The following ADAMTSL3 variants were observed in gnomAD, a reference collection of about 807,000 sequenced individuals.
ADAMTSL3 encodes the protein ADAMTS like 3.
A neutral mutation model predicts 201.7 loss-of-function variants in ADAMTSL3; 128 were observed. The observed-to-expected ratio is 0.63, with a 90% CI of 0.55 to 0.73. The LOEUF (loss-of-function observed/expected upper bound fraction) is 0.73, where lower values mean the gene tolerates loss of function less well. Ranked by LOEUF, ADAMTSL3 falls within the 30% of genes least tolerant of loss-of-function variation. The pLI is 0.00. For synonymous variants in ADAMTSL3, 738 were observed against 748.4 expected (o/e 0.99, Z 0.23); for missense variants, 1,990 against 2,119.6 (o/e 0.94, Z 1.20).
intron 2 of ADAMTSL3, among the ~76,000 whole-genome samples, chr15:83,698,804 T>C (rs937784591): frequency 6.6e-6 from 1 of 152,192 alleles, no homozygotes; most frequent in African/African-American, 2.4e-5. Context: ...AAAGTCAACG[T>C]TGACTTCCCT....
intron 7 of ADAMTSL3, among the ~76,000 whole-genome samples, chr15:83,857,738 A>G (rs376972899): frequency 6.6e-6 from 1 of 152,214 alleles, no homozygotes; most frequent in Non-Finnish European, 1.5e-5. Context: ...TTTAATAAAA[A>G]CTTGCAAACT....
intron 15 of ADAMTSL3, among the ~76,000 whole-genome samples, chr15:83,903,656 G>A (rs1385414542): frequency 2.0e-5 from 3 of 151,696 alleles, no homozygotes; most frequent in African/African-American, 7.3e-5. Flanking sequence ...AGTGGCTCAC[G>A]CCTATAATCC....
intron 3 of ADAMTSL3, among the ~76,000 whole-genome samples, chr15:83,755,949 C>T (rs2062713127): frequency 6.6e-6 from 1 of 152,120 alleles, no homozygotes; most frequent in Non-Finnish European, 1.5e-5. Context: ...CTAGTGGAGA[C>T]AGGGTTTTGC....
chr15:83,746,043 T>A (rs1460619662), intron 3 of ADAMTSL3, among the ~76,000 whole-genome samples: 1 of 152,100 alleles, frequency 6.6e-6, no homozygotes, highest in Admixed American at 6.5e-5. Context: ...TCAGTGATGC[T>A]CTCAAAATCC....
At chr15:83,809,113 A>G (rs1441912197) in intron 5 of ADAMTSL3, among the ~76,000 whole-genome samples, 1 of 152,106 alleles carries the variant, frequency 6.6e-6, no homozygotes, top group Non-Finnish European at 1.5e-5. Context: ...TGTATATCTC[A>G]ATTTAGCCAG....
chr15:83,678,489 G>C (rs1016990660), intron 2 of ADAMTSL3, among the ~76,000 whole-genome samples: 10 of 151,704 alleles, frequency 6.6e-5, no homozygotes, highest in Non-Finnish European at 1.3e-4. Flanking sequence ...TTTCAGATGA[G>C]AAATTTAATG....
At chr15:84,005,639 C>T (rs1386296996) in intron 23 of ADAMTSL3, among the ~76,000 whole-genome samples, 5 of 152,192 alleles carry the variant, frequency 3.3e-5, no homozygotes, top group African/African-American at 7.2e-5. Context: ...AAGAACTGCC[C>T]AGGCTCGCGC....
At chr15:83,939,083 G>A (rs1180404101) in intron 17 of ADAMTSL3, among the ~76,000 whole-genome samples, 1 of 152,166 alleles carries the variant, frequency 6.6e-6, no homozygotes, top group Non-Finnish European at 1.5e-5. Flanking sequence ...CGTAGACACT[G>A]ATTGATTTTC....
At chr15:83,881,866 A>T (rs1013548348) in intron 9 of ADAMTSL3, among the ~76,000 whole-genome samples, 3 of 139,802 alleles carry the variant, frequency 2.1e-5, no homozygotes. Context: ...AAAAAAGAAA[A>T]AAAAAGGCCG....
chr15:83,951,876 T>A (rs1041706152), intron 19 of ADAMTSL3, among the ~76,000 whole-genome samples: 62 of 152,154 alleles, frequency 4.1e-4, no homozygotes, highest in Non-Finnish European at 6.0e-4. Flanking sequence ...CATCTCTGAT[T>A]TAATTTATTG....
intron 20 of ADAMTSL3, among the ~76,000 whole-genome samples, chr15:83,975,307 G>A (rs1278253610): frequency 6.6e-6 from 1 of 151,960 alleles, no homozygotes; most frequent in Admixed American, 6.6e-5. Flanking sequence ...TGGCCAGCCT[G>A]CGTCTTTAGT....
intron 7 of ADAMTSL3, among the ~76,000 whole-genome samples, chr15:83,841,639 G>A (rs1281409417): frequency 2.0e-5 from 3 of 152,018 alleles, no homozygotes; most frequent in East Asian, 3.9e-4. Context: ...GGATACTAAA[G>A]GATGTCACAC....
chr15:84,037,067 A>C, intron 29 of ADAMTSL3, 80 bp downstream of exon 29: 8 of 1,421,620 alleles, frequency 5.6e-6, no homozygotes, highest in Non-Finnish European at 7.8e-6. Context: ...CACGGCACCA[A>C]ACCCTGCTAG....
intron 16 of ADAMTSL3, among the ~76,000 whole-genome samples, chr15:83,920,169 A>G (rs1165043616): frequency 6.6e-6 from 1 of 152,248 alleles, no homozygotes; most frequent in African/African-American, 2.4e-5. Flanking sequence ...ACGTGGGAAC[A>G]AAGATTGCAT....
intron 15 of ADAMTSL3, 78 bp from the exon 16 acceptor site, chr15:83,913,014 A>C (rs540272879): frequency 3.4e-6 from 5 of 1,476,294 alleles, no homozygotes; most frequent in African/African-American, 1.4e-5. Flanking sequence ...CCTTCGTTGA[A>C]TGTGTCACTC....
At chr15:83,997,163 CATT>C (rs1247645198) in intron 23 of ADAMTSL3, among the ~76,000 whole-genome samples, 1 of 152,142 alleles carries the variant, frequency 6.6e-6, no homozygotes, top group Non-Finnish European at 1.5e-5. Flanking sequence ...TGCATTGTAA[CATT>C]GTTTGTAAAA....
At chr15:83,984,704 A>G (rs1199582906) in intron 21 of ADAMTSL3, among the ~76,000 whole-genome samples, 3 of 152,214 alleles carry the variant, frequency 2.0e-5, no homozygotes, top group Non-Finnish European at 4.4e-5. Flanking sequence ...TACAAATAAC[A>G]TATTTTTTGA....
At chr15:83,842,540 A>G (rs2141989267) in intron 7 of ADAMTSL3, among the ~76,000 whole-genome samples, 1 of 152,288 alleles carries the variant, frequency 6.6e-6, no homozygotes, top group Middle Eastern at 3.4e-3. Context: ...AGAGGGGGAT[A>G]AGGGAACTTT....
intron 3 of ADAMTSL3, among the ~76,000 whole-genome samples, chr15:83,705,936 A>T (rs2061844525): frequency 6.6e-6 from 1 of 152,124 alleles, no homozygotes; most frequent in African/African-American, 2.4e-5. Context: ...GTGCATTACT[A>T]GTCATTGTGG....
Sources: gnomAD v4.1 joint callset for allele counts (sites outside exome capture counted in the v4.1 genomes callset) on GRCh38, gnomAD v4.1.1 for gene constraint, MANE v1.5 for transcripts, NCBI Gene and HGNC (gene_info 2026-07-23, HGNC 2026-07-21) for gene names.